The following MYLK4 variants were observed in gnomAD, a reference collection of about 807,000 sequenced individuals.
MYLK4 encodes myosin light chain kinase family member 4, also known as caMLCK like.
A neutral mutation model predicts 48.1 loss-of-function variants in MYLK4; 46 were observed. The observed-to-expected ratio is 0.96, with a 90% confidence interval of 0.75 to 1.22. The LOEUF is 1.22. MYLK4 is among the 50% of genes most tolerant of loss of function. The pLI, the probability that MYLK4 is intolerant of heterozygous loss-of-function variation, is 0.00. For missense variants in MYLK4, 451 were observed against 486.1 expected, an observed-to-expected ratio of 0.93 and a Z score of 0.68; for synonymous variants, 170 against 180.8, an observed-to-expected ratio of 0.94 and a Z score of 0.48.
In MYLK4 at chr6:2,680,276, A is replaced by G. The variant is rs758984976; in HGVS notation, c.703T>C (p.Cys235Arg). ...ATTTGCTTAGCATCCCGATTCACAC[A>G]CAGGATATTCTCAGGCTGCCAGGAG... ...HLDLKPENILCVNRDAKQIKI... is the reference protein window; with the variant it reads ...HLDLKPENILRVNRDAKQIKI... Residue 235 changes from cysteine to arginine, a missense_variant, in exon 8 of 13, where the codon TGT becomes CGT. By Grantham distance (180) the Cys-to-Arg change is radical. Coordinates refer to ENST00000274643, the MANE Select transcript of MYLK4 (RefSeq NM_001012418.5). 1.9e-6 allele frequency: 3 copies of G among 1,614,164 alleles called. No individual in the cohort carries two copies. The highest frequency in any genetic ancestry group is 1.7e-5 in the Admixed American group (1 of 60,024).
At chr6:2,716,041 T>G (rs1762853698) in intron 2 of MYLK4, among the ~76,000 whole-genome samples, 1 of 151,958 alleles carries the variant, frequency 6.6e-6, no homozygotes, top group Non-Finnish European at 1.5e-5. Context: ...TAAACTCTAG[T>G]AAATGTTTCT....
At position 2,747,390 on chromosome 6, in the gene MYLK4, C is replaced by G. The variant is rs189662329; in HGVS notation, c.159+1746G>C. On this transcript the variant is annotated intron_variant, in intron 2 of 12. Coordinates refer to ENST00000274643, the MANE Select transcript of MYLK4 (RefSeq NM_001012418.5). ...AAACAGGGTCTTCCTCTGTTGCCCA[C>G]GCTGGAGTGCAGTGGTGTGATCATA... 1.1e-3 allele frequency among the ~76,000 whole-genome samples: 163 copies of G among 152,186 alleles called. 2 individuals carry two copies. The highest frequency in any genetic ancestry group is 7.7e-3 in the South Asian group (37 of 4,816).
chr6:2,730,031 T>C (rs1763419895), intron 2 of MYLK4, among the ~76,000 whole-genome samples: 2 of 152,218 alleles, frequency 1.3e-5, no homozygotes, highest in African/African-American at 2.4e-5. Context: ...GTCTTTCAGA[T>C]AAAATGTCAG....
chr6:2,684,649 T>A (rs932466657), intron 6 of MYLK4, among the ~76,000 whole-genome samples: 5 of 152,118 alleles, frequency 3.3e-5, no homozygotes, highest in African/African-American at 1.2e-4. Flanking sequence ...TACAAATTTT[T>A]AAAAAATACA....
intron 2 of MYLK4, among the ~76,000 whole-genome samples, chr6:2,734,397 AG>A (rs1763587559): frequency 6.6e-6 from 1 of 152,204 alleles, no homozygotes; most frequent in African/African-American, 2.4e-5. Context: ...TGACCCTCCC[AG>A]GGCAGAGGGA....
intron 3 of MYLK4, among the ~76,000 whole-genome samples, chr6:2,691,418 G>A (rs1264198835): frequency 6.6e-6 from 1 of 152,202 alleles, no homozygotes; most frequent in Non-Finnish European, 1.5e-5. Flanking sequence ...ACTGTGATAT[G>A]TGATTACTCA....
chr6:2,761,879 G>A, the MYLK4 span, among the ~76,000 whole-genome samples: 64 of 152,190 alleles, frequency 4.2e-4, no homozygotes, highest in African/African-American at 1.5e-3. Flanking sequence ...AGCACAAGTA[G>A]AAAAAGGAAA....
intron 7 of MYLK4, among the ~76,000 whole-genome samples, chr6:2,681,829 G>A (rs1761316060): frequency 6.6e-6 from 1 of 152,178 alleles, no homozygotes; most frequent in Admixed American, 6.5e-5. Context: ...AGCCTCATAT[G>A]GAGTCATTTG....
At chr6:2,762,839 G>A in the MYLK4 span, among the ~76,000 whole-genome samples, 1 of 152,154 alleles carries the variant, frequency 6.6e-6, no homozygotes, top group Admixed American at 6.5e-5. Flanking sequence ...CATCTCTTAA[G>A]TTAGCCGTTC....
intron 2 of MYLK4, among the ~76,000 whole-genome samples, chr6:2,699,356 A>G (rs983008541): frequency 2.4e-5 from 3 of 127,154 alleles, no homozygotes; most frequent in Non-Finnish European, 3.1e-5. Flanking sequence ...CAGTGGCGCA[A>G]TCTCGGTTCC....
intron 2 of MYLK4, among the ~76,000 whole-genome samples, chr6:2,695,386 C>T (rs1762022703): frequency 1.3e-5 from 2 of 152,156 alleles, no homozygotes; most frequent in South Asian, 4.1e-4. Context: ...CCATGGAGCA[C>T]TGATAGATCC....
At chr6:2,671,177 T>G in intron 12 of MYLK4, 99 bp downstream of exon 12, 2 of 835,066 alleles carry the variant, frequency 2.4e-6, no homozygotes, top group Non-Finnish European at 3.8e-6. Flanking sequence ...AAAACGCTGC[T>G]CTTCTTCCTG....
At chr6:2,692,995 G>C in intron 2 of MYLK4, 136 bp from the exon 3 acceptor site, 1 of 761,688 alleles carries the variant, frequency 1.3e-6, no homozygotes, top group South Asian at 1.9e-5. Flanking sequence ...AGCATCACTG[G>C]CCTCTATCCA....
the MYLK4 span, among the ~76,000 whole-genome samples, chr6:2,762,977 G>C: frequency 2.7e-5 from 4 of 150,580 alleles, 1 homozygote; most frequent in Non-Finnish European, 2.9e-5. Flanking sequence ...AAAAATAAAA[G>C]AACAAAACAC....
At chr6:2,717,066 G>A (rs567767660) in intron 2 of MYLK4, among the ~76,000 whole-genome samples, 1 of 152,196 alleles carries the variant, frequency 6.6e-6, no homozygotes, top group Non-Finnish European at 1.5e-5. Context: ...TCCAAGAGAA[G>A]GGGACAGTAT....
chr6:2,675,163 C>T lies in MYLK4; in HGVS notation c.1041-38G>A, dbSNP rs370553915. 1.0e-5 allele frequency: 15 copies of T among 1,451,858 alleles called. No homozygotes were observed. In the African/African-American group the frequency reaches 1.7e-4, roughly 16 times the overall value. The allele number at this position is 1,451,858 out of a possible 1,614,324, so 89.9% of individuals were successfully genotyped here. On this transcript the variant is annotated intron_variant, in intron 10 of 12. Coordinates refer to ENST00000274643, the MANE Select transcript of MYLK4 (RefSeq NM_001012418.5). ...TCAGAAGGTGATTAGTAGAAACACA[C>T]CGAAGAAGGCCTGTATCTGCTGTTC...
intron 2 of MYLK4, among the ~76,000 whole-genome samples, chr6:2,717,039 G>C (rs1762889358): frequency 6.6e-6 from 1 of 152,180 alleles, no homozygotes; most frequent in South Asian, 2.1e-4. Flanking sequence ...TGCCAGGTAA[G>C]AGGAGGGAAA....
intron 12 of MYLK4, among the ~76,000 whole-genome samples, chr6:2,669,302 C>T (rs1232610897): frequency 1.3e-5 from 2 of 152,238 alleles, no homozygotes; most frequent in Admixed American, 1.3e-4. Flanking sequence ...AGCCCAAATG[C>T]TGCTGTCTGC....
intron 2 of MYLK4, among the ~76,000 whole-genome samples, chr6:2,711,211 G>T (rs1159618172): frequency 6.6e-6 from 1 of 152,210 alleles, no homozygotes; most frequent in Non-Finnish European, 1.5e-5. Context: ...CCCAGCTGTT[G>T]TTATCCAGTT....
Sources: gnomAD v4.1 joint callset for allele counts (sites outside exome capture counted in the v4.1 genomes callset) on GRCh38, gnomAD v4.1.1 for gene constraint, MANE v1.5 for transcripts, NCBI Gene and HGNC (gene_info 2026-07-23, HGNC 2026-07-21) for gene names.